Variants in KIAA0319 observed in about 807,000 individuals in gnomAD.
The protein encoded by KIAA0319 is KIAA0319.
A neutral mutation model predicts 108.4 loss-of-function variants in KIAA0319; 83 were observed. The observed-to-expected ratio is 0.77, with a 90% CI of 0.64 to 0.92. The LOEUF is 0.92. Ranked by LOEUF, KIAA0319 falls within the 40% of genes least tolerant of loss-of-function variation. The pLI is 0.00. For synonymous variants in KIAA0319, 484 were observed against 510.4 expected (o/e 0.95, Z 0.70); for missense variants, 1,195 against 1,322.4 (o/e 0.90, Z 1.49).
rs117692893 is a variant in KIAA0319 at position 24,595,884 on chromosome 6, A to T, written c.790T>A (p.Ser264Thr). 2,010 of 1,599,950 alleles carry T rather than the reference A, an allele frequency of 1.3e-3. 36 individuals are homozygous for T. The East Asian group carries it at 0.032, about 25-fold the overall frequency. ...CTGAACACACTCACCTCTTTTCCAG[A>T]GCTGTTGCTGGATTGTTCCTGGAGC... is the stretch of plus-strand genomic sequence containing the variant. ...SQLQEQSSNS[S>T]GKEVLMPSHS... Residue 264 changes from serine (S) to threonine (T), a missense_variant, in exon 3 of 21, where the codon TCT (serine) becomes ACT (threonine). Coordinates refer to ENST00000378214, the MANE Select transcript of KIAA0319 (RefSeq NM_014809.4).
At chr6:24,629,088 C>T (rs573165818) in intron 1 of KIAA0319, among the ~76,000 whole-genome samples, 2 of 152,246 alleles carry the variant, frequency 1.3e-5, no homozygotes, top group East Asian at 3.9e-4. Flanking sequence ...GCATGAAGTA[C>T]CTAGAGCAGA....
chr6:24,618,403 G>A (rs1204862772), intron 1 of KIAA0319, among the ~76,000 whole-genome samples: 1 of 152,044 alleles, frequency 6.6e-6, no homozygotes, highest in Non-Finnish European at 1.5e-5. Context: ...GAGCCCAGGA[G>A]TTTGAGACCA....
intron 1 of KIAA0319, among the ~76,000 whole-genome samples, chr6:24,636,844 G>A (rs187431700): frequency 6.6e-6 from 1 of 150,828 alleles, no homozygotes; most frequent in Admixed American, 6.6e-5. Context: ...TCATGCCCTA[G>A]TTGAAGAGAA....
chr6:24,618,052 A>G (rs1013050743), intron 1 of KIAA0319, among the ~76,000 whole-genome samples: 4 of 152,192 alleles, frequency 2.6e-5, no homozygotes, highest in African/African-American at 4.8e-5. Flanking sequence ...CATGAAGGGT[A>G]GACCAGAAAA....
chr6:24,543,695 G>A (rs1760297346), downstream of KIAA0319, among the ~76,000 whole-genome samples: 1 of 152,198 alleles, frequency 6.6e-6, no homozygotes, highest in Non-Finnish European at 1.5e-5. Flanking sequence ...GCCTTCCAAA[G>A]TGCTGGGATT....
intron 17 of KIAA0319, among the ~76,000 whole-genome samples, 153 bp downstream of exon 17, chr6:24,558,860 A>G (rs533584252): frequency 2.8e-4 from 42 of 152,354 alleles, no homozygotes; most frequent in African/African-American, 1.0e-3. Flanking sequence ...TGGCAAATGC[A>G]TGCTGCAGGA....
In KIAA0319 at chr6:24,545,728, C is replaced by A. The variant is rs1473984672; in HGVS notation, c.*1437G>T. On this transcript the variant is annotated 3_prime_UTR_variant, in exon 21 of 21. Transcript: ENST00000378214. ...TGAATACTGCGGGAGATGACAAAAG[C>A]ACCTAAAAGCTGAATTTTTTTTAAG... 1.3e-5 allele frequency: 2 copies of A among 152,294 alleles called. No individual in the cohort carries two copies. The highest frequency in any genetic ancestry group is 3.9e-4 in the East Asian group (2 of 5,190). 9.4% of individuals were successfully genotyped at this position (152,294 alleles called of 1,614,324 possible).
downstream of KIAA0319, among the ~76,000 whole-genome samples, chr6:24,540,649 T>TCTTC (rs150235575): frequency 2.1e-5 from 2 of 97,548 alleles, no homozygotes; most frequent in Non-Finnish European, 4.0e-5. Flanking sequence ...TGACTTTGTT[T>TCTTC]CTTTTTTTTT....
At position 24,601,038 on chromosome 6, in the gene KIAA0319, T is replaced by G; in HGVS notation, c.55+11A>C. 1 of 1,613,894 alleles carries G rather than the reference T, an allele frequency of 6.2e-7. No individual in the cohort carries two copies. Among genetic ancestry groups the G allele is most frequent in the Non-Finnish European group, 8.5e-7 (1 of 1,179,920 alleles). The stretch of plus-strand genomic sequence containing the variant: ...TCCAACACGGGTATCTCCAGGGTAG[T>G]AGTTCCCTACCTGCAATTGTCACCA... On this transcript the variant is annotated intron_variant, in intron 2 of 20. Coordinates refer to ENST00000378214, the MANE Select transcript of KIAA0319 (RefSeq NM_014809.4).
At chr6:24,625,491 G>A (rs548460536) in intron 1 of KIAA0319, among the ~76,000 whole-genome samples, 62 of 152,264 alleles carry the variant, frequency 4.1e-4, no homozygotes, top group African/African-American at 1.3e-3. Flanking sequence ...GTGAAAGCCT[G>A]AAAAGCTTTG....
rs16889440 is a variant in KIAA0319 at position 24,544,739 on chromosome 6, C to T, written c.*2426G>A. ...GTTTTTCTCTGTCCAGAGCTCTTAG[C>T]GTGCTTTATCTCCCAAAGATCCTCA... On this transcript the variant is annotated 3_prime_UTR_variant, in exon 21 of 21. Coordinates refer to ENST00000378214, the MANE Select transcript of KIAA0319 (RefSeq NM_014809.4). 0.16 allele frequency: 24,176 copies of T among 152,152 alleles called. 2,221 individuals carry two copies. The highest frequency in any genetic ancestry group is 0.25 in the African/African-American group (10,325 of 41,478). 9.4% of individuals were successfully genotyped at this position (152,152 alleles called of 1,614,324 possible). A position where few individuals can be genotyped will look rare whatever the true frequency, so the allele number is the denominator to read the frequency against.
Position 24,596,527 on chromosome 6 carries a change from A to G in KIAA0319, c.147T>C (p.Ser49=), listed in dbSNP as rs377230972. The G allele has an allele frequency of 2.5e-6, 4 of 1,613,904 alleles. No homozygotes were observed. In the African/African-American group the frequency reaches 4.0e-5, roughly 16 times the overall value. ...NLETTRIMRV[S]HTFPVVDCTA... ...TGCAGTCTACGACAGGGAAGGTGTG[A>G]GACACCCGCATGATTCTGGTGGTTT... Residue 49 remains serine (S), a synonymous_variant, in exon 3 of 21, where the codon TCT becomes TCC. Transcript: ENST00000378214.
In KIAA0319 at chr6:24,577,137, T is replaced by C. The variant is rs187950862; in HGVS notation, c.1506-541A>G. ...TTTTTAGTTTTAGTTCATAACATAT[T>C]GATGTCAGAGTTTCACCTTTATGGA... On this transcript the variant is annotated intron_variant, in intron 9 of 20. Coordinates refer to ENST00000378214, the MANE Select transcript of KIAA0319 (RefSeq NM_014809.4). 3.5e-3 allele frequency among the ~76,000 whole-genome samples: 533 copies of C among 152,290 alleles called. 5 individuals carry two copies. The highest frequency in any genetic ancestry group is 0.024 in the Middle Eastern group (7 of 294).
At chr6:24,597,854 G>A (rs1373814207) in intron 2 of KIAA0319, among the ~76,000 whole-genome samples, 1 of 142,308 alleles carries the variant, frequency 7.0e-6, no homozygotes, top group Non-Finnish European at 1.5e-5. Context: ...GGAGGTTGAG[G>A]CTGTAGTGAG....
In KIAA0319 at chr6:24,578,212, T is replaced by C. The variant is rs756237567; in HGVS notation, c.1403A>G (p.Tyr468Cys). 1 of 1,604,962 alleles carries C rather than the reference T, an allele frequency of 6.2e-7. No individual in the cohort carries two copies. The highest frequency in any genetic ancestry group is 1.7e-5 in the Admixed American group (1 of 59,904). ...QSTDDTEIVS[Y>C]HWEEINGPFI... Reference sequence around the variant, plus strand: ...GGGCCCGTTTATTTCTTCCCAATGATAACTCACTATTTCAGTATCATCTGT... The same window carrying C: ...GGGCCCGTTTATTTCTTCCCAATGACAACTCACTATTTCAGTATCATCTGT... Residue 468 changes from tyrosine (Y) to cysteine (C), a missense_variant, in exon 9 of 21, where the codon TAT (tyrosine) becomes TGT (cysteine). Transcript: ENST00000378214.
intron 1 of KIAA0319, among the ~76,000 whole-genome samples, chr6:24,636,017 A>C (rs1776158243): frequency 1.3e-5 from 2 of 152,254 alleles, no homozygotes; most frequent in African/African-American, 4.8e-5. Context: ...AACCAGAGGC[A>C]TGTCAATGAG....
chr6:24,628,764 G>A (rs928064444), intron 1 of KIAA0319, among the ~76,000 whole-genome samples: 7 of 152,008 alleles, frequency 4.6e-5, no homozygotes, highest in Non-Finnish European at 7.4e-5. Context: ...GTCAATCCTC[G>A]GCGTTCCTTT....
At position 24,596,303 on chromosome 6, in the gene KIAA0319, C is replaced by G. The variant is rs761278393; in HGVS notation, c.371G>C (p.Gly124Ala). 3 of 1,614,028 alleles carry G rather than the reference C, an allele frequency of 1.9e-6. No individual in the cohort carries two copies. The East Asian group carries it at 6.7e-5, about 36-fold the overall frequency. ...GTCCCCCCAGATCCCCGAGGGGGAG[C>G]CCCTGTTCAGCATCATGTCCCCATA... ...LDYGDMMLNR[G>A]SPSGIWGDSP... The change falls in exon 3 of 21, where the codon GGC becomes GCC. Residue 124 changes from glycine to alanine, a missense_variant. By Grantham distance (60) the Gly-to-Ala change is moderately conservative. Coordinates refer to ENST00000378214, the MANE Select transcript of KIAA0319 (RefSeq NM_014809.4).
At chr6:24,637,192 C>A (rs1776312422) in intron 1 of KIAA0319, among the ~76,000 whole-genome samples, 1 of 152,220 alleles carries the variant, frequency 6.6e-6, no homozygotes, top group Admixed American at 6.5e-5. Context: ...AAGCAAAGGT[C>A]ATGGCAACAG....
Sources: allele counts gnomAD v4.1 joint callset (sites outside exome capture counted in the v4.1 genomes callset), GRCh38; gene constraint gnomAD v4.1.1; transcripts MANE v1.5; gene names NCBI Gene and HGNC (gene_info 2026-07-23, HGNC 2026-07-21).